The following DPP10 variants were observed in gnomAD, a reference collection of about 807,000 sequenced individuals.
The protein encoded by DPP10 is inactive dipeptidyl peptidase 10.
A neutral mutation model predicts 120.9 loss-of-function variants in DPP10; 33 were observed. That is an observed-to-expected ratio of 0.27 (90% confidence interval 0.21 to 0.37). The LOEUF is 0.37. Ranked by LOEUF, DPP10 falls within the 10% of genes least tolerant of loss-of-function variation. The pLI is 1.00. For synonymous variants in DPP10, 337 were observed against 326.1 expected (o/e 1.03, Z -0.36); for missense variants, 816 against 942.8 (o/e 0.87, Z 1.76).
At chr2:115,183,157 GA>G (rs1277671890) in intron 1 of DPP10, among the ~76,000 whole-genome samples, 1 of 152,106 alleles carries the variant, frequency 6.6e-6, no homozygotes, top group Non-Finnish European at 1.5e-5. Context: ...ATTCAAAGCA[GA>G]AAATAACATA....
intron 3 of DPP10, among the ~76,000 whole-genome samples, chr2:115,458,100 A>C (rs1214558403): frequency 6.6e-6 from 1 of 152,166 alleles, no homozygotes; most frequent in African/African-American, 2.4e-5. Flanking sequence ...AGAAAAGCCA[A>C]ATTTTCTAGA....
intron 1 of DPP10, among the ~76,000 whole-genome samples, chr2:114,725,068 C>T (rs1229029963): frequency 6.6e-6 from 1 of 152,146 alleles, no homozygotes; most frequent in Non-Finnish European, 1.5e-5. Flanking sequence ...CAAACAACTT[C>T]GTATCAGCCC....
At chr2:114,604,133 G>A (rs1329701397) in intron 1 of DPP10, among the ~76,000 whole-genome samples, 2 of 151,846 alleles carry the variant, frequency 1.3e-5, no homozygotes, top group Non-Finnish European at 1.5e-5. Flanking sequence ...TTTCTATAAG[G>A]GGCTGCTCAC....
chr2:115,766,580 A>G (rs979968614), intron 12 of DPP10, among the ~76,000 whole-genome samples: 1 of 152,010 alleles, frequency 6.6e-6, no homozygotes, highest in African/African-American at 2.4e-5. Flanking sequence ...TACACAAATT[A>G]TACGTTGAAT....
Position 114,945,087 on chromosome 2 carries a change from A to G in DPP10, c.61-364152A>G, listed in dbSNP as rs141328026. 3.7e-4 allele frequency among the ~76,000 whole-genome samples: 57 copies of G among 152,356 alleles called. 5 individuals carry two copies. Among genetic ancestry groups the G allele is most frequent in the African/African-American group, 1.3e-3 (55 of 41,580 alleles). ...AACAAAACACCTAGACACCAATTCA[A>G]AATAAATTGTATACCTACAGGTTAC... On this transcript the variant is annotated intron_variant, in intron 1 of 25. Coordinates refer to ENST00000410059, the MANE Select transcript of DPP10 (RefSeq NM_020868.6).
At chr2:115,369,271 A>T (rs1559494014) in intron 3 of DPP10, among the ~76,000 whole-genome samples, 1 of 152,116 alleles carries the variant, frequency 6.6e-6, no homozygotes, top group Non-Finnish European at 1.5e-5. Context: ...AAGTACATGA[A>T]AGAAAACAAG....
intron 5 of DPP10, among the ~76,000 whole-genome samples, chr2:115,660,310 A>G (rs1210283872): frequency 6.6e-6 from 1 of 152,124 alleles, no homozygotes; most frequent in East Asian, 1.9e-4. Context: ...ACTTTTTTAG[A>G]GAGGCTTGCT....
chr2:114,450,973 C>G (rs1327446730), intron 1 of DPP10, among the ~76,000 whole-genome samples: 2 of 152,228 alleles, frequency 1.3e-5, no homozygotes, highest in Admixed American at 6.5e-5. Flanking sequence ...CTGAAAAACA[C>G]CACTTCTCCC....
chr2:115,583,471 G>A (rs1336473425), intron 5 of DPP10, among the ~76,000 whole-genome samples: 3 of 152,176 alleles, frequency 2.0e-5, no homozygotes, highest in African/African-American at 2.4e-5. Flanking sequence ...TAGGACCCTC[G>A]AGTAGATGGT....
chr2:114,861,274 A>G (rs1689789535), intron 1 of DPP10, among the ~76,000 whole-genome samples: 1 of 152,186 alleles, frequency 6.6e-6, no homozygotes, highest in African/African-American at 2.4e-5. Flanking sequence ...CAGAGTCTGC[A>G]ACAGCAGAGG....
chr2:114,659,955 C>G (rs1299121423), intron 1 of DPP10, among the ~76,000 whole-genome samples: 3 of 152,220 alleles, frequency 2.0e-5, no homozygotes, highest in Non-Finnish European at 1.5e-5. Flanking sequence ...AACAGATTCT[C>G]TCTCACAGTC....
At chr2:115,538,921 A>C (rs1347076316) in intron 5 of DPP10, among the ~76,000 whole-genome samples, 1 of 152,006 alleles carries the variant, frequency 6.6e-6, no homozygotes, top group African/African-American at 2.4e-5. Flanking sequence ...CATATTCATG[A>C]TATGTTTAAA....
At chr2:115,638,547 A>T (rs1264445693) in intron 5 of DPP10, among the ~76,000 whole-genome samples, 1 of 152,202 alleles carries the variant, frequency 6.6e-6, no homozygotes, top group Non-Finnish European at 1.5e-5. Flanking sequence ...TTTTTCACTA[A>T]AATATCTATA....
intron 1 of DPP10, among the ~76,000 whole-genome samples, chr2:114,713,842 G>A (rs1449753059): frequency 3.3e-5 from 5 of 151,798 alleles, no homozygotes; most frequent in Admixed American, 6.6e-5. Flanking sequence ...AAAAATAGCC[G>A]GGCGTGGTAG....
chr2:115,485,084 G>A (rs1463158219), intron 3 of DPP10, among the ~76,000 whole-genome samples: 2 of 151,742 alleles, frequency 1.3e-5, no homozygotes, highest in South Asian at 2.1e-4. Flanking sequence ...ACAAACAAAC[G>A]AACAAATATT....
chr2:114,779,725 T>C (rs548839025), intron 1 of DPP10, among the ~76,000 whole-genome samples: 3 of 152,276 alleles, frequency 2.0e-5, no homozygotes, highest in Non-Finnish European at 4.4e-5. Context: ...AGTAACCTGA[T>C]AGACCCAGAA....
At chr2:114,674,614 G>A (rs752721558) in intron 1 of DPP10, among the ~76,000 whole-genome samples, 3 of 152,108 alleles carry the variant, frequency 2.0e-5, no homozygotes, top group Non-Finnish European at 2.9e-5. Context: ...CGTGAGTCAC[G>A]GAGGATGGTA....
At chr2:114,850,180 C>T (rs1347179845) in intron 1 of DPP10, among the ~76,000 whole-genome samples, 1 of 151,936 alleles carries the variant, frequency 6.6e-6, no homozygotes, top group Non-Finnish European at 1.5e-5. Context: ...ACCACCGTGC[C>T]TGACTAGTTT....
intron 5 of DPP10, among the ~76,000 whole-genome samples, chr2:115,683,786 A>G (rs1225218329): frequency 6.6e-6 from 1 of 151,938 alleles, no homozygotes; most frequent in African/African-American, 2.4e-5. Flanking sequence ...TGGTGGTGCA[A>G]TTGAAGAATG....
Sources: gnomAD v4.1 joint callset for allele counts (sites outside exome capture counted in the v4.1 genomes callset) on GRCh38, gnomAD v4.1.1 for gene constraint, MANE v1.5 for transcripts, NCBI Gene and HGNC (gene_info 2026-07-23, HGNC 2026-07-21) for gene names.